Variants in LRRC4C observed in about 807,000 individuals in gnomAD.
LRRC4C encodes the protein leucine-rich repeat-containing protein 4C.
In LRRC4C, 5 loss-of-function variants were observed where a neutral mutation model predicts 33.6. The observed-to-expected ratio is 0.15, with a 90% CI of 0.08 to 0.31. The LOEUF is 0.31. Among genes scored for constraint, LRRC4C ranks in the 10% least tolerant of loss-of-function variants. LRRC4C has a pLI of 1.00. For synonymous variants in LRRC4C, 329 were observed against 302.0 expected (o/e 1.09, Z -0.93); for missense variants, 560 against 796.7 (o/e 0.70, Z 3.58).
chr11:41,100,339 G>A (rs1941091711), intron 1 of LRRC4C, among the ~76,000 whole-genome samples: 1 of 152,052 alleles, frequency 6.6e-6, no homozygotes, highest in African/African-American at 2.4e-5. Context: ...GGCCCGAGGT[G>A]GGTGGATCCT....
In LRRC4C at chr11:40,749,648, T is replaced by TA. The variant is rs112673026; in HGVS notation, c.-406-101371dup. On this transcript the variant is annotated intron_variant, in intron 2 of 6. Transcript: ENST00000528697. ...CAGAGCAGAACTAAGTAAAAGAGAC[T>TA]AAAAAAAAAAAGGAAAAAGGATCAA... Among the ~76,000 whole-genome samples, 141 of 135,540 alleles carry TA rather than the reference T, an allele frequency of 1.0e-3. 1 individual carries two copies. Among genetic ancestry groups the TA allele is most frequent in the Middle Eastern group, 7.6e-3 (2 of 264 alleles). 88.9% of individuals were successfully genotyped at this position (135,540 alleles called of 152,430 possible). A position where few individuals can be genotyped will look rare whatever the true frequency, so the allele number is the denominator to read the frequency against.
chr11:40,578,658 G>C (rs941471016), intron 3 of LRRC4C, among the ~76,000 whole-genome samples: 1 of 152,036 alleles, frequency 6.6e-6, no homozygotes, highest in Non-Finnish European at 1.5e-5. Flanking sequence ...ATACTAACTG[G>C]AACACAGACC....
intron 2 of LRRC4C, among the ~76,000 whole-genome samples, chr11:40,853,436 A>G (rs1953611630): frequency 6.7e-6 from 1 of 148,404 alleles, no homozygotes; most frequent in African/African-American, 2.4e-5. Context: ...ATATAGATAT[A>G]TATTTATATA....
intron 2 of LRRC4C, among the ~76,000 whole-genome samples, chr11:40,746,498 T>A (rs1948428474): frequency 6.6e-6 from 1 of 152,076 alleles, no homozygotes; most frequent in Non-Finnish European, 1.5e-5. Context: ...AGTTTCAATT[T>A]ATTTGCCTAG....
chr11:40,415,921 T>C (rs1056077674), intron 3 of LRRC4C, among the ~76,000 whole-genome samples: 6 of 152,238 alleles, frequency 3.9e-5, no homozygotes, highest in Non-Finnish European at 8.8e-5. Flanking sequence ...ATGTATGAGC[T>C]ATGAAATAGA....
At chr11:40,564,929 C>A (rs11035927) in intron 3 of LRRC4C, among the ~76,000 whole-genome samples, 3,689 of 152,202 alleles carry the variant, frequency 0.024, 62 homozygotes, top group South Asian at 0.034. Flanking sequence ...TTATTTGTTG[C>A]CCAACTGTAG....
chr11:41,246,067 T>G (rs2136596739), intron 1 of LRRC4C, among the ~76,000 whole-genome samples: 1 of 152,172 alleles, frequency 6.6e-6, no homozygotes, highest in South Asian at 2.1e-4. Flanking sequence ...AGCCTGAAGG[T>G]AGGATTTCAC....
chr11:40,149,979 T>C (rs944755898), intron 5 of LRRC4C, among the ~76,000 whole-genome samples: 1 of 152,200 alleles, frequency 6.6e-6, no homozygotes, highest in African/African-American at 2.4e-5. Context: ...TCTGCAGTTC[T>C]GGAAGCTGGA....
At chr11:40,385,870 A>ATAAATAAATAAT in intron 3 of LRRC4C, among the ~76,000 whole-genome samples, 1 of 148,798 alleles carries the variant, frequency 6.7e-6, no homozygotes, top group East Asian at 2.0e-4. Flanking sequence ...TGTCAAATAA[A>ATAAATAAATAAT]TAAATAAATA....
chr11:41,325,577 T>TGTG lies in LRRC4C; in HGVS notation c.-496+133853_-496+133854insCAC, dbSNP rs1555147354. 9.5e-3 allele frequency among the ~76,000 whole-genome samples: 990 copies of TGTG among 104,106 alleles called. 11 individuals carry two copies. The highest frequency in any genetic ancestry group is 0.022 in the African/African-American group (637 of 29,256). The allele number at this position is 104,106 out of a possible 152,430, so 68.3% of individuals were successfully genotyped here. ...TTATTGTCCTTATAGTTTTTTTTTT[T>TGTG]TGTGTGTGTGTGTGTGTGTGTGTGT... On this transcript the variant is annotated intron_variant, in intron 1 of 6. Transcript: ENST00000528697.
At chr11:40,949,469 A>G (rs1041038932) in intron 1 of LRRC4C, among the ~76,000 whole-genome samples, 3 of 152,080 alleles carry the variant, frequency 2.0e-5, no homozygotes, top group African/African-American at 2.4e-5. Context: ...CCAGAGAGAA[A>G]GGTCAGGTTA....
chr11:41,359,782 T>C (rs1164399779), intron 1 of LRRC4C, among the ~76,000 whole-genome samples: 2 of 152,144 alleles, frequency 1.3e-5, no homozygotes, highest in Admixed American at 1.3e-4. Flanking sequence ...TTAGATGAAA[T>C]TCAAACTCAG....
chr11:40,427,980 ATATAT>A (rs373868046), intron 3 of LRRC4C, among the ~76,000 whole-genome samples: 54 of 152,328 alleles, frequency 3.5e-4, no homozygotes, highest in African/African-American at 1.2e-3. Context: ...AATTTAACAA[ATATAT>A]TATGAGGAGT....
intron 1 of LRRC4C, among the ~76,000 whole-genome samples, chr11:41,005,771 A>G (rs2137449239): frequency 6.6e-6 from 1 of 152,338 alleles, no homozygotes; most frequent in African/African-American, 2.4e-5. Context: ...TTTAGTGTAC[A>G]GCCTGCAGAA....
At chr11:40,869,547 C>T (rs757253645) in intron 2 of LRRC4C, among the ~76,000 whole-genome samples, 3 of 152,212 alleles carry the variant, frequency 2.0e-5, no homozygotes, top group South Asian at 2.1e-4. Context: ...GGCTCAAGCA[C>T]GTTCACTAAA....
intron 4 of LRRC4C, among the ~76,000 whole-genome samples, chr11:40,307,326 T>C (rs1037782231): frequency 2.3e-4 from 35 of 152,140 alleles, no homozygotes; most frequent in Admixed American, 2.2e-3. Context: ...TGGGAGAAAT[T>C]TGCATGTTCC....
chr11:41,133,252 A>T (rs977380505), intron 1 of LRRC4C, among the ~76,000 whole-genome samples: 4 of 152,104 alleles, frequency 2.6e-5, no homozygotes, highest in Non-Finnish European at 5.9e-5. Flanking sequence ...GGGCGGCCTC[A>T]TCCATTGTAA....
At chr11:40,739,007 TTG>T (rs72411974) in intron 2 of LRRC4C, among the ~76,000 whole-genome samples, 59,080 of 148,892 alleles carry the variant, frequency 0.4, 12,060 homozygotes, top group Middle Eastern at 0.48. Flanking sequence ...ATAATTGCTA[TTG>T]TGTGTGTGTG....
At chr11:41,327,376 C>T (rs1951154660) in intron 1 of LRRC4C, among the ~76,000 whole-genome samples, 1 of 152,092 alleles carries the variant, frequency 6.6e-6, no homozygotes, top group Non-Finnish European at 1.5e-5. Flanking sequence ...TTTCTACCTT[C>T]CTTTGATATG....
Sources: allele counts gnomAD v4.1 joint callset (sites outside exome capture counted in the v4.1 genomes callset), GRCh38; gene constraint gnomAD v4.1.1; transcripts MANE v1.5; gene names NCBI Gene and HGNC (gene_info 2026-07-23, HGNC 2026-07-21).